Variants in NPLOC4 observed in about 807,000 individuals in gnomAD.
NPLOC4 encodes the protein nuclear protein localization protein 4 homolog.
In NPLOC4, 18 loss-of-function variants were observed where a neutral mutation model predicts 80.6. The ratio of observed to expected loss-of-function variants is 0.22; its 90% CI spans 0.15 to 0.33. The LOEUF is 0.33. Ranked by LOEUF, NPLOC4 falls within the 10% of genes least tolerant of loss-of-function variation. NPLOC4 has a pLI of 1.00. For missense variants in NPLOC4, 540 were observed against 786.1 expected (o/e 0.69, Z 3.74); for synonymous variants, 313 against 301.5 (o/e 1.04, Z -0.39).
At chr17:81,584,923 T>G (rs947497915) in intron 12 of NPLOC4, among the ~76,000 whole-genome samples, 1 of 151,898 alleles carries the variant, frequency 6.6e-6, no homozygotes, top group African/African-American at 2.4e-5. Flanking sequence ...TCCTAGCACT[T>G]TGGGAGGCCG....
intron 16 of NPLOC4, among the ~76,000 whole-genome samples, chr17:81,560,392 G>A (rs762988030): frequency 6.6e-5 from 10 of 150,424 alleles, no homozygotes; most frequent in Admixed American, 1.3e-4. Context: ...CAGCCTGGGC[G>A]ACACAGCGAG....
At chr17:81,568,747 A>C (rs145746415) in intron 14 of NPLOC4, among the ~76,000 whole-genome samples, 2 of 152,368 alleles carry the variant, frequency 1.3e-5, no homozygotes, top group East Asian at 3.9e-4. Context: ...GGCAGAAGAC[A>C]CAAAGCAACA....
chr17:81,605,280 C>CA (rs768829106), intron 7 of NPLOC4, among the ~76,000 whole-genome samples: 1,208 of 93,430 alleles, frequency 0.013, 25 homozygotes, highest in African/African-American at 0.034. Context: ...AACTCCATCT[C>CA]AAAAAAAAAA....
At chr17:81,561,650 A>T (rs1002189378) in intron 16 of NPLOC4, 1 of 152,032 alleles carries the variant, frequency 6.6e-6, no homozygotes, top group African/African-American at 2.4e-5. Context: ...TGGTATAATC[A>T]TGGCTCACTG....
At chr17:81,632,355 C>G (rs2035955263) in intron 1 of NPLOC4, among the ~76,000 whole-genome samples, 1 of 150,446 alleles carries the variant, frequency 6.6e-6, no homozygotes, top group South Asian at 2.1e-4. Context: ...TCTTGTTGCC[C>G]AGGCTGGAGT....
At chr17:81,564,446 T>A (rs954975916) in intron 16 of NPLOC4, 1 of 152,064 alleles carries the variant, frequency 6.6e-6, no homozygotes, top group Non-Finnish European at 1.5e-5. Context: ...GGCAATAGAG[T>A]GAGACCCTGT....
chr17:81,560,156 G>A (rs559378121), intron 16 of NPLOC4, among the ~76,000 whole-genome samples: 17 of 151,688 alleles, frequency 1.1e-4, no homozygotes, highest in East Asian at 5.9e-4. Flanking sequence ...AGTGGGTCAC[G>A]CCTGTAATCC....
chr17:81,569,028 C>T lies in NPLOC4; in HGVS notation c.1437G>A (p.Leu479=). The T allele has an allele frequency of 6.2e-7, 1 of 1,604,370 alleles. No individual in the cohort carries two copies. Among genetic ancestry groups the T allele is most frequent in the African/African-American group, 1.3e-5 (1 of 74,812 alleles). The part of the protein sequence containing the change: ...NPFPIENRDV[L]GETQDFHSLA... ...ACAAAGAGCTCACCTGTGTCTCACC[C>T]AATACATCCCGGTTTTCAATAGGAA... Residue 479 remains leucine, a synonymous_variant, in exon 14 of 17, where the codon TTG becomes TTA. Transcript: ENST00000331134.
In NPLOC4 at chr17:81,618,070, G is replaced by A. The variant is rs534771553; in HGVS notation, c.209+4096C>T. On this transcript the variant is annotated intron_variant, in intron 3 of 16. Coordinates refer to ENST00000331134, the MANE Select transcript of NPLOC4 (RefSeq NM_017921.4). Reference sequence around the variant, plus strand: ...AGTGCCGAGACTGCAGCCTCTGCCCGGCCGCCACCCCGTCTGGGAAGTGAG... The same window carrying A: ...AGTGCCGAGACTGCAGCCTCTGCCCAGCCGCCACCCCGTCTGGGAAGTGAG... Among the ~76,000 whole-genome samples the A allele has an allele frequency of 1.7e-4, 26 of 152,120 alleles. 2 individuals are homozygous for A. In the South Asian group the frequency reaches 4.6e-3, roughly 27 times the overall value.
intron 16 of NPLOC4, chr17:81,564,080 CAA>C (rs1460091834): frequency 9.2e-6 from 2 of 216,240 alleles, no homozygotes; most frequent in East Asian, 1.0e-4. Flanking sequence ...GGCTCCAGCT[CAA>C]AACACACACA....
intron 1 of NPLOC4, chr17:81,636,513 G>C (rs972977554): frequency 6.0e-6 from 1 of 166,498 alleles, no homozygotes; most frequent in Non-Finnish European, 1.3e-5. Context: ...GAGAATCAGA[G>C]GGAGATTAGG....
intron 3 of NPLOC4, among the ~76,000 whole-genome samples, chr17:81,618,995 C>CT (rs2035586931): frequency 6.6e-6 from 1 of 152,014 alleles, no homozygotes; most frequent in South Asian, 2.1e-4. Flanking sequence ...TAAACAGATG[C>CT]TTGAAGGCAG....
chr17:81,630,746 G>A (rs897848767), intron 1 of NPLOC4, among the ~76,000 whole-genome samples: 3 of 152,148 alleles, frequency 2.0e-5, no homozygotes, highest in African/African-American at 4.8e-5. Context: ...GCATGGTGGC[G>A]TACGCCTATG....
chr17:81,561,227 G>T (rs2033840540), intron 16 of NPLOC4, among the ~76,000 whole-genome samples: 1 of 152,150 alleles, frequency 6.6e-6, no homozygotes. Context: ...AAAGTGCTGG[G>T]ATTACAGGCG....
In NPLOC4 at chr17:81,635,357, T is replaced by TA. The variant is rs10627051; in HGVS notation, c.15+1558dup. ...CCATCTCAAAAAAATAAAATAAGGT[T>TA]AAAAAAAAAAAAAAAAAAGGAGTCG... On this transcript the variant is annotated intron_variant, in intron 1 of 16. Transcript: ENST00000331134. 9.2e-3 allele frequency among the ~76,000 whole-genome samples: 1,164 copies of TA among 126,616 alleles called. 25 individuals are homozygous for TA. Among genetic ancestry groups the TA allele is most frequent in the African/African-American group, 0.024 (796 of 32,988 alleles). The allele number at this position is 126,616 out of a possible 152,430, so 83.1% of individuals were successfully genotyped here. A position where few individuals can be genotyped will look rare whatever the true frequency, so the allele number is the denominator to read the frequency against.
At chr17:81,559,476 T>C (rs1219344028) in intron 16 of NPLOC4, 60 bp from the exon 17 acceptor site, 1 of 1,531,304 alleles carries the variant, frequency 6.5e-7, no homozygotes, top group African/African-American at 1.4e-5. Context: ...ACTGCCAGAG[T>C]GTGGGCATGG....
chr17:81,597,644 GTGGTGGCGCATGCCTGTAATCCCAGC>G (rs1225030603), intron 9 of NPLOC4, among the ~76,000 whole-genome samples: 1 of 152,042 alleles, frequency 6.6e-6, no homozygotes, highest in African/African-American at 2.4e-5. Flanking sequence ...ATTAGTTGGG[GTGGTGGCGCATGCCTGTAATCCCAGC>G]TACTCAGGAG....
chr17:81,636,803 A>T, intron 1 of NPLOC4, 113 bp downstream of exon 1: 2 of 1,138,180 alleles, frequency 1.8e-6, no homozygotes, highest in Non-Finnish European at 2.2e-6. Flanking sequence ...TGGCGAGAGA[A>T]GAGAAAGGGG....
chr17:81,581,348 CAAAAAAA>C (rs1169351301), intron 12 of NPLOC4, among the ~76,000 whole-genome samples: 791 of 8,386 alleles, frequency 0.094, 16 homozygotes, highest in South Asian at 0.15. Context: ...GACTCCAACG[CAAAAAAA>C]AAAAAAAAAA....
Sources: allele counts gnomAD v4.1 joint callset (sites outside exome capture counted in the v4.1 genomes callset), GRCh38; gene constraint gnomAD v4.1.1; transcripts MANE v1.5; gene names NCBI Gene and HGNC (gene_info 2026-07-23, HGNC 2026-07-21).